AFP: variants seen among roughly 807,000 people sequenced by gnomAD.
AFP encodes the protein alpha-fetoprotein.
A neutral mutation model predicts 78.9 loss-of-function variants in AFP; 64 were observed. The ratio of observed to expected loss-of-function variants is 0.81; its 90% CI spans 0.66 to 1.00. The LOEUF (loss-of-function observed/expected upper bound fraction) is 1.00. Among genes scored for constraint, AFP ranks in the 50% least tolerant of loss-of-function variants. AFP has a pLI of 0.00. For missense variants in AFP, 689 were observed against 703.8 expected (o/e 0.98, Z 0.24); for synonymous variants, 254 against 243.8 (o/e 1.04, Z -0.39).
chr4:73,442,537 G>T, intron 5 of AFP, 109 bp downstream of exon 5: 2 of 1,338,746 alleles, frequency 1.5e-6, no homozygotes, highest in Non-Finnish European at 2.1e-6. Flanking sequence ...ATCGTTTTTG[G>T]AATAGAGAAA....
intron 4 of AFP, among the ~76,000 whole-genome samples, chr4:73,441,543 G>T (rs1483218384): frequency 2.2e-5 from 3 of 133,468 alleles, no homozygotes; most frequent in Non-Finnish European, 4.6e-5. Flanking sequence ...ACTCCCGCCG[G>T]GGCCACAGAG....
At chr4:73,453,505 C>T (rs1720068078) in intron 12 of AFP, 5 of 423,830 alleles carry the variant, frequency 1.2e-5, no homozygotes, top group East Asian at 4.7e-5. Flanking sequence ...GGGAGATTGC[C>T]TTCCACTACA....
At chr4:73,438,398 T>C in intron 3 of AFP, 92 bp downstream of exon 3, 1 of 1,434,608 alleles carries the variant, frequency 7.0e-7, no homozygotes, top group Non-Finnish European at 9.5e-7. Context: ...AAAAATGCAT[T>C]TATATATTTG....
chr4:73,451,207 T>G (rs1719981870), intron 11 of AFP, among the ~76,000 whole-genome samples: 1 of 152,200 alleles, frequency 6.6e-6, no homozygotes, highest in African/African-American at 2.4e-5. Flanking sequence ...ATATTATTAT[T>G]ATGACATCAG....
At chr4:73,436,596 G>A (rs746151595) in intron 1 of AFP, among the ~76,000 whole-genome samples, 8 of 151,224 alleles carry the variant, frequency 5.3e-5, no homozygotes, top group Non-Finnish European at 1.0e-4. Context: ...ACACTTCAAT[G>A]GTATGCATAT....
intron 6 of AFP, among the ~76,000 whole-genome samples, chr4:73,444,509 C>T (rs1719763224): frequency 6.6e-6 from 1 of 152,140 alleles, no homozygotes; most frequent in South Asian, 2.1e-4. Context: ...TCTCTTGGCA[C>T]ACTGGTATGC....
rs1719776830 is a variant in AFP at position 73,445,027 on chromosome 4, G to T, written c.748G>T (p.Val250Phe). The T allele has an allele frequency of 1.2e-6, 2 of 1,613,334 alleles. No individual in the cohort carries two copies. Among genetic ancestry groups the T allele is most frequent in the African/African-American group, 2.7e-5 (2 of 74,972 alleles). ...TAAACTGAGTCAGAAGTTTACCAAA[G>T]TTAATTTTACTGAAATCCAGAAACT... ...VTKLSQKFTK[V>F]NFTEIQKLVL... The change falls in exon 7 of 15, where the codon GTT (valine) becomes TTT (phenylalanine). Residue 250 changes from valine (V) to phenylalanine (F), a missense_variant. Transcript: ENST00000395792.
chr4:73,447,974 A>G (rs1719882640), intron 8 of AFP, among the ~76,000 whole-genome samples: 1 of 152,114 alleles, frequency 6.6e-6, no homozygotes, highest in Non-Finnish European at 1.5e-5. Flanking sequence ...TCCTGTAAAG[A>G]TTACTCATAT....
Position 73,453,764 on chromosome 4 carries a change from G to C in AFP, c.1653-1G>C, listed in dbSNP as rs1189762859. 1 of 1,613,322 alleles carries C rather than the reference G, an allele frequency of 6.2e-7. No individual in the cohort carries two copies. Among genetic ancestry groups the C allele is most frequent in the Admixed American group, 1.7e-5 (1 of 59,958 alleles). On this transcript the variant is annotated splice_acceptor_variant, in intron 12 of 14. Coordinates refer to ENST00000395792, the MANE Select transcript of AFP (RefSeq NM_001134.3). LOFTEE classifies it high-confidence loss of function. ...GTATTTTGTTTTGTTTTAAATCACA[G>C]GTTTCTCATTAACCTTGTGAAGCAA...
intron 5 of AFP, 143 bp downstream of exon 5, chr4:73,442,571 C>A: frequency 1.0e-6 from 1 of 969,986 alleles, no homozygotes; most frequent in Non-Finnish European, 1.6e-6. Flanking sequence ...TGATATTCTT[C>A]GAGTGAACAA....
intron 10 of AFP, 140 bp downstream of exon 10, chr4:73,450,273 T>C: frequency 1.4e-6 from 1 of 726,420 alleles, no homozygotes; most frequent in Non-Finnish European, 2.3e-6. Flanking sequence ...CCCCATACTG[T>C]GCAAATTTTT....
Position 73,453,799 on chromosome 4 carries a change from A to AT in AFP, c.1688dup (p.Thr564AsnfsTer6), listed in dbSNP as rs753597565. On this transcript the variant is annotated frameshift_variant, in exon 13 of 15. Coordinates refer to ENST00000395792, the MANE Select transcript of AFP (RefSeq NM_001134.3). LOFTEE classifies it high-confidence loss of function. Reference sequence around the variant, plus strand: ...TAACCTTGTGAAGCAAAAGCCACAAATAACAGAGGAACAACTTGAGGCTGT... The same window carrying AT: ...TAACCTTGTGAAGCAAAAGCCACAAATTAACAGAGGAACAACTTGAGGCTGT... 6.2e-7 allele frequency: 1 copy of AT among 1,613,844 alleles called. No homozygotes were observed. The highest frequency in any genetic ancestry group is 1.1e-5 in the South Asian group (1 of 91,084).
Position 73,438,249 on chromosome 4 carries a change from G to T in AFP, c.213G>T (p.Leu71Phe). 6.2e-7 allele frequency: 1 copy of T among 1,613,454 alleles called. No individual in the cohort carries two copies. The highest frequency in any genetic ancestry group is 1.1e-5 in the South Asian group (1 of 91,040). Residue 71 changes from leucine (L) to phenylalanine (F), a missense_variant, in exon 3 of 15, where the codon TTG becomes TTT. Physicochemically the swap from Leu to Phe is conservative, Grantham distance 22 (BLOSUM62 0). Transcript: ENST00000395792. ...TAAGCAAAATGGTGAAAGATGCATT[G>T]ACTGCAATTGAGAAACCCACTGGAG... Reference protein sequence around the residue: ...KEVSKMVKDALTAIEKPTGDE... With the variant: ...KEVSKMVKDAFTAIEKPTGDE...
chr4:73,449,560 C>T, intron 9 of AFP, 93 bp downstream of exon 9: 1 of 1,443,982 alleles, frequency 6.9e-7, no homozygotes, highest in South Asian at 1.2e-5. Context: ...TAGTTTTCAA[C>T]TAGTTGTTAG....
At chr4:73,453,508 C>T (rs1720068204) in intron 12 of AFP, 1 of 431,382 alleles carries the variant, frequency 2.3e-6, no homozygotes, top group Admixed American at 3.5e-5. Flanking sequence ...AGATTGCCTT[C>T]CACTACACAT....
chr4:73,442,185 T>G, intron 4 of AFP, 111 bp from the exon 5 acceptor site: 1 of 1,095,936 alleles, frequency 9.1e-7, no homozygotes, highest in Non-Finnish European at 1.3e-6. Context: ...TCAAATGCAT[T>G]TTGTTGTTGT....
chr4:73,450,427 A>G (rs1719959297), intron 10 of AFP, 188 bp from the exon 11 acceptor site: 2 of 749,652 alleles, frequency 2.7e-6, no homozygotes, highest in East Asian at 5.4e-5. Flanking sequence ...TGCTTCTATA[A>G]TAGGAGTACA....
intron 7 of AFP, 25 bp downstream of exon 7, chr4:73,445,147 A>G: frequency 6.2e-7 from 1 of 1,613,018 alleles, no homozygotes. Flanking sequence ...TTCTTAAAAT[A>G]GAAGATTTTC....
At chr4:73,436,459 G>GA in intron 1 of AFP, 112 bp downstream of exon 1, 3 of 642,634 alleles carry the variant, frequency 4.7e-6, no homozygotes, top group South Asian at 2.2e-5. Flanking sequence ...TCCACATGGA[G>GA]AAAAAATATT....
Sources: gnomAD v4.1 joint callset for allele counts (sites outside exome capture counted in the v4.1 genomes callset) on GRCh38, gnomAD v4.1.1 for gene constraint, MANE v1.5 for transcripts, NCBI Gene and HGNC (gene_info 2026-07-23, HGNC 2026-07-21) for gene names.